GLCCI1: variants seen among roughly 807,000 people sequenced by gnomAD.
The protein encoded by GLCCI1 is glucocorticoid induced 1, also known as glucocorticoid-induced transcript 1 protein.
In GLCCI1, 24 loss-of-function variants were observed where a neutral mutation model predicts 52.2. That is an observed-to-expected ratio of 0.46 (90% CI 0.33 to 0.65). The LOEUF is 0.65. Among genes scored for constraint, GLCCI1 ranks in the 30% least tolerant of loss-of-function variants. The probability of loss-of-function intolerance (pLI) is 0.02; values close to 1 mark genes in which losing one functional copy is unlikely to be tolerated. For synonymous variants in GLCCI1, 310 were observed against 276.5 expected (o/e 1.12, Z -1.20); for missense variants, 704 against 701.5 (o/e 1.00, Z -0.04).
intron 1 of GLCCI1, among the ~76,000 whole-genome samples, chr7:7,973,414 G>A (rs538627647): frequency 8.4e-5 from 2 of 23,896 alleles, no homozygotes; most frequent in South Asian, 8.5e-4. Context: ...CTTTGTGTGC[G>A]TGTGTGTGTG....
intron 2 of GLCCI1, among the ~76,000 whole-genome samples, chr7:8,015,767 CAA>C (rs1057382884): frequency 2.6e-4 from 39 of 152,076 alleles, no homozygotes; most frequent in African/African-American, 9.2e-4. Context: ...CTAAAATTAC[CAA>C]AGTCAAAATT....
intron 6 of GLCCI1, among the ~76,000 whole-genome samples, chr7:8,071,817 A>G (rs1238733539): frequency 2.0e-5 from 3 of 152,188 alleles, no homozygotes; most frequent in Non-Finnish European, 2.9e-5. Flanking sequence ...GCTACTTACA[A>G]AGAAACACTG....
At chr7:8,062,236 G>T (rs115676254) in intron 5 of GLCCI1, among the ~76,000 whole-genome samples, 3,198 of 152,240 alleles carry the variant, frequency 0.021, 114 homozygotes, top group African/African-American at 0.073. Flanking sequence ...TTATGATTAA[G>T]TGTACCTCAA....
chr7:7,992,368 G>C (rs1281406969), intron 1 of GLCCI1, among the ~76,000 whole-genome samples: 1 of 151,880 alleles, frequency 6.6e-6, no homozygotes, highest in Non-Finnish European at 1.5e-5. Flanking sequence ...CCTTCCACCA[G>C]TTCTTATGTT....
At chr7:8,048,655 C>G (rs1224782943) in intron 3 of GLCCI1, among the ~76,000 whole-genome samples, 1 of 152,124 alleles carries the variant, frequency 6.6e-6, no homozygotes, top group Non-Finnish European at 1.5e-5. Context: ...TGATTTTATC[C>G]TACTTGGAAC....
At chr7:7,994,839 C>G (rs1039051998) in intron 1 of GLCCI1, among the ~76,000 whole-genome samples, 1 of 152,188 alleles carries the variant, frequency 6.6e-6, no homozygotes, top group Non-Finnish European at 1.5e-5. Flanking sequence ...ACAGAAAATG[C>G]TACATATATT....
rs553997113 is a variant in GLCCI1 at position 8,060,110 on chromosome 7, G to A, written c.828G>A (p.Arg276=). Residue 276 remains arginine (R), a synonymous_variant, in exon 5 of 8, where the codon AGG becomes AGA. Coordinates refer to ENST00000223145, the MANE Select transcript of GLCCI1 (RefSeq NM_138426.4). ...TTATCTCATAGGCTACTGGATCAAG[G>A]TCAGTTCCTATGCCACTGTCAAATA... The part of the protein sequence containing the change: ...TISHTQATGS[R]SVPMPLSNIS... The A allele has an allele frequency of 2.5e-5, 41 of 1,612,976 alleles. No individual in the cohort carries two copies. In the East Asian group the frequency reaches 4.7e-4, roughly 18 times the overall value.
At position 8,086,793 on chromosome 7, in the gene GLCCI1, A is replaced by C. The variant is rs1783116179; in HGVS notation, c.*255A>C. On this transcript the variant is annotated 3_prime_UTR_variant, in exon 8 of 8. Transcript: ENST00000223145. This position sits in a 1 kb window ranked among gnomAD's most constrained non-coding sequence, Gnocchi z 4.4. ...GACTATGCATTTCATAGTATATTTG[A>C]CAGATTAGTACTGTGTCCTGTGTTT... is the stretch of plus-strand genomic sequence containing the variant. 1 of 432,848 alleles carries C rather than the reference A, an allele frequency of 2.3e-6. No homozygotes were observed. Among genetic ancestry groups the C allele is most frequent in the Non-Finnish European group, 4.1e-6 (1 of 244,094 alleles). 26.8% of individuals were successfully genotyped at this position (432,848 alleles called of 1,614,324 possible).
chr7:8,083,211 G>A (rs1372241741), intron 6 of GLCCI1, among the ~76,000 whole-genome samples: 1 of 152,148 alleles, frequency 6.6e-6, no homozygotes, highest in African/African-American at 2.4e-5. Flanking sequence ...TGTGAAATAT[G>A]CACATCATGA....
chr7:8,017,660 G>A (rs74571268), intron 2 of GLCCI1, among the ~76,000 whole-genome samples: 4,430 of 152,072 alleles, frequency 0.029, 208 homozygotes, highest in African/African-American at 0.094. Flanking sequence ...GAATATGTAA[G>A]TGCTGCTATT....
chr7:8,013,594 C>T (rs925425151), intron 2 of GLCCI1, among the ~76,000 whole-genome samples: 15 of 152,058 alleles, frequency 9.9e-5, no homozygotes, highest in Non-Finnish European at 5.9e-5. Context: ...AATATGAATT[C>T]AGGGGAATTG....
At chr7:8,053,520 A>G (rs1425981591) in intron 3 of GLCCI1, among the ~76,000 whole-genome samples, 1 of 146,300 alleles carries the variant, frequency 6.8e-6, no homozygotes, top group African/African-American at 2.5e-5. Context: ...TTTTTAGCAG[A>G]GATGGGGTTT....
In GLCCI1 at chr7:7,980,677, TCC is replaced by T. The variant is rs1261744855; in HGVS notation, c.457+10871_457+10872del. The T allele has an allele frequency of 2.6e-5, 20 of 771,862 alleles. No individual in the cohort carries two copies. The East Asian group carries it at 4.3e-4, about 16-fold the overall frequency. The allele number at this position is 771,862 out of a possible 1,614,324, so 47.8% of individuals were successfully genotyped here. A position where few individuals can be genotyped will look rare whatever the true frequency, so the allele number is the denominator to read the frequency against. ...TAAGCACAAGAAGAAGGGCACAATG[TCC>T]ATGGTGAATAATGACAGTGATCAAC... On this transcript the variant is annotated intron_variant, in intron 1 of 7. Coordinates refer to ENST00000223145, the MANE Select transcript of GLCCI1 (RefSeq NM_138426.4).
At chr7:8,067,101 C>G (rs1409931205) in intron 5 of GLCCI1, among the ~76,000 whole-genome samples, 1 of 152,148 alleles carries the variant, frequency 6.6e-6, no homozygotes, top group Non-Finnish European at 1.5e-5. Context: ...ATAGTTAGGT[C>G]TTCCTGTTGC....
chr7:7,972,979 TA>T (rs1255027278), intron 1 of GLCCI1, among the ~76,000 whole-genome samples: 1 of 152,194 alleles, frequency 6.6e-6, no homozygotes, highest in East Asian at 1.9e-4. Flanking sequence ...TTTGTATTTT[TA>T]AAACTTCAAG....
rs987076935 is a variant in GLCCI1, at chr7:8,088,459, T to C, written c.*1921T>C. On this transcript the variant is annotated 3_prime_UTR_variant, in exon 8 of 8. Coordinates refer to ENST00000223145, the MANE Select transcript of GLCCI1 (RefSeq NM_138426.4). ...ACAGGGGAACCTTTTAAAACAATCT[T>C]TTCAGCAGCAGATACCTTTAACCCT... is the stretch of plus-strand genomic sequence containing the variant. The C allele has an allele frequency of 2.6e-5, 4 of 152,594 alleles. No homozygotes were observed. Among genetic ancestry groups the C allele is most frequent in the Non-Finnish European group, 2.9e-5 (2 of 68,024 alleles). 9.5% of individuals were successfully genotyped at this position (152,594 alleles called of 1,614,324 possible). A position where few individuals can be genotyped will look rare whatever the true frequency, so the allele number is the denominator to read the frequency against.
At chr7:7,997,876 G>A (rs142269087) in intron 1 of GLCCI1, among the ~76,000 whole-genome samples, 5,567 of 151,706 alleles carry the variant, frequency 0.037, 141 homozygotes, top group Non-Finnish European at 0.056. Context: ...ACAGTGAGCC[G>A]AGATCATACC....
intron 3 of GLCCI1, among the ~76,000 whole-genome samples, chr7:8,024,046 TTGAG>T (rs2127949350): frequency 6.6e-6 from 1 of 152,340 alleles, no homozygotes. Flanking sequence ...TGGATCAATA[TTGAG>T]TAAGTCTAAG....
intron 2 of GLCCI1, among the ~76,000 whole-genome samples, chr7:8,021,704 A>G (rs10226050): frequency 0.43 from 64,627 of 151,896 alleles, 13,962 homozygotes; most frequent in Middle Eastern, 0.52. Flanking sequence ...TGCTCAGCCT[A>G]TTGTTTAATT....
Sources: allele counts gnomAD v4.1 joint callset (sites outside exome capture counted in the v4.1 genomes callset), GRCh38; gene constraint gnomAD v4.1.1; non-coding constraint Gnocchi (gnomAD v3.1); transcripts MANE v1.5; gene names NCBI Gene and HGNC (gene_info 2026-07-23, HGNC 2026-07-21).